The following VPS36 variants were observed in gnomAD, a reference collection of about 807,000 sequenced individuals.
VPS36 encodes the protein vacuolar protein sorting 36 homolog.
A neutral mutation model predicts 63.5 loss-of-function variants in VPS36; 31 were observed. The observed-to-expected ratio is 0.49, with a 90% CI of 0.37 to 0.66. VPS36 has a LOEUF of 0.66. Among genes scored for constraint, VPS36 ranks in the 30% least tolerant of loss-of-function variants. The pLI, the probability that VPS36 is intolerant of heterozygous loss-of-function variation, is 0.00. For missense variants in VPS36, 338 were observed against 463.7 expected (o/e 0.73, Z 2.49); for synonymous variants, 138 against 157.2 (o/e 0.88, Z 0.91).
chr13:52,439,188 T>A lies in VPS36; in HGVS notation c.166-20A>T. The A allele has an allele frequency of 6.2e-7, 1 of 1,610,370 alleles. No individual in the cohort carries two copies. Among genetic ancestry groups the A allele is most frequent in the Non-Finnish European group, 8.5e-7 (1 of 1,177,638 alleles). The stretch of plus-strand genomic sequence containing the variant: ...ACACTCCTAGGAGGAAATCAATAGC[T>A]TAAATGAAAGACTCTAAACAACATC... On this transcript the variant is annotated intron_variant, in intron 2 of 13. Coordinates refer to ENST00000378060, the MANE Select transcript of VPS36 (RefSeq NM_016075.4).
At chr13:52,449,595 G>A (rs1958378553) in intron 1 of VPS36, among the ~76,000 whole-genome samples, 1 of 152,188 alleles carries the variant, frequency 6.6e-6, no homozygotes, top group Non-Finnish European at 1.5e-5. Context: ...AAAACGGCAA[G>A]GGAAGAGAGG....
intron 2 of VPS36, among the ~76,000 whole-genome samples, chr13:52,441,759 A>C (rs905480585): frequency 6.6e-6 from 1 of 150,922 alleles, no homozygotes; most frequent in African/African-American, 2.4e-5. Context: ...CTCAAAAAAA[A>C]GGGGGGGATG....
chr13:52,417,574 G>C (rs1958005580), intron 11 of VPS36, among the ~76,000 whole-genome samples: 1 of 152,096 alleles, frequency 6.6e-6, no homozygotes, highest in Non-Finnish European at 1.5e-5. Flanking sequence ...TGGTCAGGTT[G>C]GTCTCGAACT....
At chr13:52,439,075 G>A (rs1467380849) in intron 3 of VPS36, 23 bp downstream of exon 3, 3 of 1,606,576 alleles carry the variant, frequency 1.9e-6, no homozygotes, top group Non-Finnish European at 2.6e-6. Context: ...TGTGAATAAA[G>A]ACTGTGCTAT....
At position 52,431,547 on chromosome 13, in the gene VPS36, G is replaced by A. The variant is rs560631827; in HGVS notation, c.528+2115C>T. 5.9e-5 allele frequency among the ~76,000 whole-genome samples: 9 copies of A among 151,964 alleles called. No individual in the cohort carries two copies. The East Asian group carries it at 1.8e-3, about 30-fold the overall frequency. The stretch of plus-strand genomic sequence containing the variant: ...TGGGAGGCCGAGGCAGGCGGTTCAC[G>A]AGGTCAGGAGTTCGAGAGCAGCCTG... On this transcript the variant is annotated intron_variant, in intron 6 of 13. Coordinates refer to ENST00000378060, the MANE Select transcript of VPS36 (RefSeq NM_016075.4).
intron 2 of VPS36, among the ~76,000 whole-genome samples, chr13:52,440,105 A>G (rs1958261189): frequency 6.6e-6 from 1 of 151,700 alleles, no homozygotes; most frequent in Non-Finnish European, 1.5e-5. Context: ...CAGCTTCCCA[A>G]GTAGCTGGGA....
chr13:52,439,532 G>A (rs1415654887), intron 2 of VPS36, among the ~76,000 whole-genome samples: 1 of 151,830 alleles, frequency 6.6e-6, no homozygotes, highest in African/African-American at 2.4e-5. Flanking sequence ...TGCAAGCTCT[G>A]CCTCCTGGGT....
chr13:52,450,158 C>G, intron 1 of VPS36: 4 of 1,006,980 alleles, frequency 4.0e-6, no homozygotes, highest in Non-Finnish European at 4.7e-6. Context: ...GATCGCCGCC[C>G]GGCGCCCGCA....
rs1958112103 is a variant in VPS36, at chr13:52,427,302, C to G, written c.529-83G>C. 3.3e-6 allele frequency: 5 copies of G among 1,505,666 alleles called. No individual in the cohort carries two copies. In the East Asian group the frequency reaches 1.1e-4, roughly 34 times the overall value. The allele number at this position is 1,505,666 out of a possible 1,614,324, so 93.3% of individuals were successfully genotyped here. ...AAAATGAAGCACCCTCTATTTTTTC[C>G]CCATAAAAATTTGAAATTTTCAGCC... On this transcript the variant is annotated intron_variant, in intron 6 of 13. Transcript: ENST00000378060.
chr13:52,448,999 T>C (rs1006305490), intron 1 of VPS36, among the ~76,000 whole-genome samples: 2 of 152,322 alleles, frequency 1.3e-5, no homozygotes, highest in South Asian at 2.1e-4. Flanking sequence ...AAATAGCTTG[T>C]CACTCCAATC....
At chr13:52,418,573 CAAAAAAAAAAAAA>C (rs1201650906) in intron 10 of VPS36, among the ~76,000 whole-genome samples, 2 of 31,176 alleles carry the variant, frequency 6.4e-5, no homozygotes, top group South Asian at 2.6e-3. Context: ...GACTCCATCT[CAAAAAAAAAAAAA>C]AAAAAAAAAA....
chr13:52,429,276 A>G, intron 6 of VPS36: 1 of 985,368 alleles, frequency 1.0e-6, no homozygotes, highest in Non-Finnish European at 1.2e-6. Flanking sequence ...GTAACTCAGT[A>G]TATTCTTGAT....
chr13:52,434,679 A>G, intron 5 of VPS36, 114 bp downstream of exon 5: 1 of 1,006,012 alleles, frequency 9.9e-7, no homozygotes, highest in Non-Finnish European at 1.5e-6. Flanking sequence ...CTTTATAAGA[A>G]TACCATTGCA....
chr13:52,415,855 G>T lies in VPS36; in HGVS notation c.1136C>A (p.Pro379Gln). The change falls in exon 14 of 14, where the codon CCA (proline) becomes CAA (glutamine). Residue 379 changes from proline (P) to glutamine (Q), a missense_variant. By Grantham distance (76) the Pro-to-Gln change is moderately conservative (BLOSUM62 -1). Transcript: ENST00000378060. ...TTAGCTCTGTGTCATAAATAAATTT[G>T]GGTAAAAACGCAGGCCTTCCACTGA... ...DDSVEGLRFYPNLFMTQS is the reference protein window; with the variant it reads ...DDSVEGLRFYQNLFMTQS 6.2e-7 allele frequency: 1 copy of T among 1,613,986 alleles called. No individual in the cohort carries two copies.
At position 52,427,197 on chromosome 13, in the gene VPS36, A is replaced by C; in HGVS notation, c.551T>G (p.Leu184Arg). The change falls in exon 7 of 14, where the codon CTA becomes CGA. Residue 184 changes from leucine (L) to arginine (R), a missense_variant. By Grantham distance (102) the Leu-to-Arg change is moderately radical. Coordinates refer to ENST00000378060, the MANE Select transcript of VPS36 (RefSeq NM_016075.4). ...ISEAFEDLSK[L>R]MIKAKEMVEL... ...ATAAATGACATATACCTTGATCATTAGTTTGCTGAGGTCTTCAAAGGCCTG... is the reference window on the plus strand; with the variant it reads ...ATAAATGACATATACCTTGATCATTCGTTTGCTGAGGTCTTCAAAGGCCTG... 6.2e-7 allele frequency: 1 copy of C among 1,613,638 alleles called. No homozygotes were observed. The highest frequency in any genetic ancestry group is 8.5e-7 in the Non-Finnish European group (1 of 1,179,716).
intron 1 of VPS36, among the ~76,000 whole-genome samples, chr13:52,444,332 T>C (rs927439579): frequency 2.6e-5 from 4 of 151,688 alleles, no homozygotes; most frequent in Admixed American, 6.6e-5. Context: ...TGGTGGCGGG[T>C]GCCTGTAGTC....
intron 8 of VPS36, among the ~76,000 whole-genome samples, chr13:52,426,770 G>A (rs1427865345): frequency 6.6e-6 from 1 of 152,142 alleles, no homozygotes; most frequent in South Asian, 2.1e-4. Flanking sequence ...CAGGAGAATC[G>A]CTTGAACCCG....
At chr13:52,450,379 C>T in intron 1 of VPS36, 120 bp downstream of exon 1, 1 of 1,264,276 alleles carries the variant, frequency 7.9e-7, no homozygotes, top group South Asian at 2.4e-5. Context: ...GCCGGGCCGC[C>T]GAGGGCCGTG....
chr13:52,449,062 C>G (rs1958372491), intron 1 of VPS36, among the ~76,000 whole-genome samples: 1 of 152,236 alleles, frequency 6.6e-6, no homozygotes, highest in Non-Finnish European at 1.5e-5. Flanking sequence ...CCAAGGCAGG[C>G]TGGGCACAGT....
Sources: gnomAD v4.1 joint callset for allele counts (sites outside exome capture counted in the v4.1 genomes callset) on GRCh38, gnomAD v4.1.1 for gene constraint, MANE v1.5 for transcripts, NCBI Gene and HGNC (gene_info 2026-07-23, HGNC 2026-07-21) for gene names.